The following ANKRD44 variants were observed in gnomAD, a reference collection of about 807,000 sequenced individuals.
ANKRD44 encodes ankyrin repeat domain 44.
Under a neutral mutation model 116.0 loss-of-function variants are expected in ANKRD44, and 35 were observed. The observed-to-expected ratio is 0.30, with a 90% CI of 0.23 to 0.40. The LOEUF is 0.40. ANKRD44 is among the 10% of genes least tolerant of loss of function. The pLI is 1.00. For synonymous variants in ANKRD44, 435 were observed against 461.8 expected, an observed-to-expected ratio of 0.94 and a Z score of 0.74; for missense variants, 1,014 against 1,242.6, an observed-to-expected ratio of 0.82 and a Z score of 2.77.
intron 8 of ANKRD44, among the ~76,000 whole-genome samples, chr2:197,114,942 T>TTAC (rs2078673345): frequency 2.6e-5 from 4 of 152,212 alleles, no homozygotes; most frequent in African/African-American, 9.7e-5. Context: ...ATTCCTCTCC[T>TTAC]TTCCCTTACT....
At chr2:197,147,002 A>G in intron 3 of ANKRD44, 25 bp downstream of exon 3, 1 of 1,604,546 alleles carries the variant, frequency 6.2e-7, no homozygotes, top group Non-Finnish European at 8.5e-7. Flanking sequence ...TTTGCAATTG[A>G]CTTTTGAGTA....
chr2:196,997,064 A>T (rs2076026128), intron 25 of ANKRD44, among the ~76,000 whole-genome samples: 1 of 152,174 alleles, frequency 6.6e-6, no homozygotes. Context: ...TGAAATAAAA[A>T]ATGCTACAAA....
intron 16 of ANKRD44, among the ~76,000 whole-genome samples, chr2:197,068,218 G>A (rs549026634): frequency 9.8e-6 from 1 of 102,226 alleles, no homozygotes; most frequent in East Asian, 3.2e-4. Context: ...TGGTGGGGTC[G>A]GGGGAGGGGG....
At chr2:197,238,797 C>CA (rs2082028959) in intron 1 of ANKRD44, among the ~76,000 whole-genome samples, 1 of 151,938 alleles carries the variant, frequency 6.6e-6, no homozygotes. Flanking sequence ...CTCAGCCTCC[C>CA]AGGTTCAAGC....
At chr2:197,119,176 CTTT>C (rs11329579) in intron 8 of ANKRD44, among the ~76,000 whole-genome samples, 3 of 151,662 alleles carry the variant, frequency 2.0e-5, no homozygotes, top group Non-Finnish European at 4.4e-5. Context: ...ATGTTTAAGA[CTTT>C]TTTGTAGTCA....
At chr2:197,188,096 T>C (rs975358030) in intron 1 of ANKRD44, among the ~76,000 whole-genome samples, 2 of 152,220 alleles carry the variant, frequency 1.3e-5, no homozygotes, top group Non-Finnish European at 2.9e-5. Context: ...TAAACATGAT[T>C]ACATCTACTG....
intron 1 of ANKRD44, among the ~76,000 whole-genome samples, chr2:197,286,861 T>A (rs900221817): frequency 6.6e-6 from 1 of 152,142 alleles, no homozygotes. Context: ...TTTAAAAGAA[T>A]TTATCCAACG....
At position 196,989,278 on chromosome 2, in the gene ANKRD44, C is replaced by CA. The variant is rs34354879; in HGVS notation, c.*312dup. ...TATATGGACATTTTCTCTAGTTTGG[C>CA]AAAAAAAAAAAAAAAGGTCAGCACA... On this transcript the variant is annotated 3_prime_UTR_variant, in exon 28 of 28. Coordinates refer to ENST00000282272, the MANE Select transcript of ANKRD44 (RefSeq NM_001195144.2). The CA allele has an allele frequency of 0.11, 96,964 of 857,198 alleles. 506 individuals are homozygous for CA. The highest frequency in any genetic ancestry group is 0.14 in the South Asian group (2,542 of 18,232). 53.1% of individuals were successfully genotyped at this position (857,198 alleles called of 1,614,324 possible).
intron 27 of ANKRD44, chr2:196,990,811 C>T (rs1279950368): frequency 2.8e-5 from 34 of 1,232,016 alleles, no homozygotes; most frequent in Middle Eastern, 3.1e-4. Context: ...TTTAAACAAA[C>T]GAAGTTGACA....
intron 16 of ANKRD44, among the ~76,000 whole-genome samples, chr2:197,040,095 C>A (rs2076881753): frequency 6.6e-6 from 1 of 151,752 alleles, no homozygotes; most frequent in Non-Finnish European, 1.5e-5. Context: ...AGAAATTAGC[C>A]AGGTGTGGTG....
chr2:197,186,771 A>AT (rs999398181), intron 2 of ANKRD44, among the ~76,000 whole-genome samples: 3 of 150,666 alleles, frequency 2.0e-5, no homozygotes, highest in Non-Finnish European at 4.4e-5. Flanking sequence ...TAAATGTGTT[A>AT]TTTTTTTTAA....
chr2:197,235,330 G>A (rs1305725255), intron 1 of ANKRD44, among the ~76,000 whole-genome samples: 1 of 152,160 alleles, frequency 6.6e-6, no homozygotes, highest in Non-Finnish European at 1.5e-5. Flanking sequence ...AGTAGTGTAA[G>A]ATCCAGCCAG....
At chr2:197,087,836 G>A (rs2077961130) in intron 12 of ANKRD44, among the ~76,000 whole-genome samples, 1 of 152,112 alleles carries the variant, frequency 6.6e-6, no homozygotes, top group Admixed American at 6.6e-5. Flanking sequence ...TTTGGGGGCT[G>A]AGGTAGGGGG....
intron 1 of ANKRD44, among the ~76,000 whole-genome samples, chr2:197,216,619 C>T (rs1029643168): frequency 6.6e-6 from 1 of 152,054 alleles, no homozygotes; most frequent in Admixed American, 6.6e-5. Context: ...GCAAGGGTGG[C>T]CCGTTTCTAA....
intron 1 of ANKRD44, among the ~76,000 whole-genome samples, chr2:197,283,383 C>T (rs562958971): frequency 3.3e-5 from 5 of 152,326 alleles, no homozygotes; most frequent in African/African-American, 1.2e-4. Context: ...ATGCCAGTCT[C>T]TCGGCAGAGC....
At chr2:197,277,585 A>G (rs2083128609) in intron 1 of ANKRD44, among the ~76,000 whole-genome samples, 1 of 152,132 alleles carries the variant, frequency 6.6e-6, no homozygotes, top group African/African-American at 2.4e-5. Flanking sequence ...CTTTCAGAAT[A>G]ATGAGGCCTA....
chr2:197,029,111 T>A (rs1220769325), intron 16 of ANKRD44: 2 of 181,042 alleles, frequency 1.1e-5, no homozygotes, highest in Admixed American at 1.3e-4. Context: ...GTATATCTCC[T>A]AATGCTATCC....
chr2:197,025,385 AATATG>A (rs1335459511), intron 16 of ANKRD44, 118 bp from the exon 17 acceptor site: 2 of 682,364 alleles, frequency 2.9e-6, no homozygotes, highest in Non-Finnish European at 5.1e-6. Context: ...GTAATATAAA[AATATG>A]ATATAACATA....
At chr2:197,027,892 G>A (rs930150994) in intron 16 of ANKRD44, among the ~76,000 whole-genome samples, 5 of 151,752 alleles carry the variant, frequency 3.3e-5, no homozygotes, top group Admixed American at 6.6e-5. Context: ...ATCTCACTAC[G>A]TTTCCCAGGC....
Sources: allele counts gnomAD v4.1 joint callset (sites outside exome capture counted in the v4.1 genomes callset), GRCh38; gene constraint gnomAD v4.1.1; transcripts MANE v1.5; gene names NCBI Gene and HGNC (gene_info 2026-07-23, HGNC 2026-07-21).